EXOSC7: variants seen among roughly 807,000 people sequenced by gnomAD.
EXOSC7 encodes the protein exosome complex component RRP42.
EXOSC7 carries 25 observed loss-of-function variants against 34.3 expected under a neutral mutation model. The observed-to-expected ratio is 0.73, with a 90% CI of 0.53 to 1.02. EXOSC7 has a LOEUF of 1.02. Ranked by LOEUF, EXOSC7 falls within the 50% of genes least tolerant of loss-of-function variation. The pLI, the probability that EXOSC7 is intolerant of heterozygous loss-of-function variation, is 0.00. For missense variants in EXOSC7, 370 were observed against 368.5 expected (o/e 1.00, Z -0.03); for synonymous variants, 130 against 143.0 (o/e 0.91, Z 0.65).
chr3:44,984,768 G>C (rs1036337893), intron 1 of EXOSC7, among the ~76,000 whole-genome samples: 1 of 152,216 alleles, frequency 6.6e-6, no homozygotes, highest in African/African-American at 2.4e-5. Context: ...ATTAACTGCA[G>C]TATTCCTTGC....
chr3:44,993,642 A>C (rs879662570), intron 3 of EXOSC7, among the ~76,000 whole-genome samples: 3 of 152,146 alleles, frequency 2.0e-5, no homozygotes, highest in Non-Finnish European at 2.9e-5. Flanking sequence ...CTCAGTAAAC[A>C]ATTTCCCACA....
At chr3:44,993,092 G>A (rs1372594286) in intron 3 of EXOSC7, among the ~76,000 whole-genome samples, 1 of 152,174 alleles carries the variant, frequency 6.6e-6, no homozygotes, top group Admixed American at 6.5e-5. Flanking sequence ...CTGAGGGGCT[G>A]GGGGTGGGTA....
intron 1 of EXOSC7, among the ~76,000 whole-genome samples, chr3:44,981,037 T>G (rs1367049878): frequency 1.2e-4 from 19 of 152,214 alleles, no homozygotes; most frequent in Admixed American, 1.2e-3. Context: ...GCCCAGGGAT[T>G]CTGAAGCCTT....
intron 1 of EXOSC7, among the ~76,000 whole-genome samples, chr3:44,986,864 A>G (rs1297662472): frequency 6.6e-6 from 1 of 152,222 alleles, no homozygotes; most frequent in Non-Finnish European, 1.5e-5. Context: ...AGTCAGTCAC[A>G]TATGCAGTTA....
chr3:45,011,271 T>C lies in EXOSC7; in HGVS notation c.808T>C (p.Leu270=). ...KRVGKVLHAS[L]QSVVHKEESL... ...TGTGGGCAAGGTACTGCATGCCTCC[T>C]TGCAGAGTGTTGTGCACAAGGAAGA... The change falls in exon 8 of 8, where the codon TTG becomes CTG. Residue 270 remains leucine (L), a synonymous_variant. Coordinates refer to ENST00000265564, the MANE Select transcript of EXOSC7 (RefSeq NM_015004.4). 1 of 1,613,586 alleles carries C rather than the reference T, an allele frequency of 6.2e-7. No individual in the cohort carries two copies. Among genetic ancestry groups the C allele is most frequent in the Non-Finnish European group, 8.5e-7 (1 of 1,179,802 alleles).
At chr3:45,005,152 A>G (rs1706997101) in intron 5 of EXOSC7, 139 bp from the exon 6 acceptor site, 4 of 948,320 alleles carry the variant, frequency 4.2e-6, no homozygotes, top group African/African-American at 3.3e-5. Flanking sequence ...CAGGGATGAC[A>G]GGGATGAGGA....
At chr3:44,989,517 CTGAG>C (rs767331282) in intron 2 of EXOSC7, 29 bp from the exon 3 acceptor site, 73 of 1,549,898 alleles carry the variant, frequency 4.7e-5, no homozygotes, top group Non-Finnish European at 1.2e-5. Context: ...GCTGCATACT[CTGAG>C]TGAGGACTCT....
intron 1 of EXOSC7, among the ~76,000 whole-genome samples, chr3:44,979,760 T>TAAA (rs1259247867): frequency 3.9e-5 from 6 of 152,150 alleles, no homozygotes; most frequent in Admixed American, 3.3e-4. Flanking sequence ...CTCTAGTTCT[T>TAAA]TTAGGGGGTT....
At chr3:45,007,606 G>A (rs986844041) in intron 7 of EXOSC7, 31 bp downstream of exon 7, 2 of 1,559,384 alleles carry the variant, frequency 1.3e-6, no homozygotes, top group Non-Finnish European at 8.7e-7. Context: ...AAGGTGCAGG[G>A]ACCTGGCCGG....
At chr3:44,988,024 G>A (rs1029380476) in intron 1 of EXOSC7, among the ~76,000 whole-genome samples, 1 of 152,126 alleles carries the variant, frequency 6.6e-6, no homozygotes. Flanking sequence ...TTCTAGCTCT[G>A]TCTGCTGAGA....
chr3:44,976,401 C>A, intron 1 of EXOSC7, 67 bp downstream of exon 1: 1 of 1,419,124 alleles, frequency 7.0e-7, no homozygotes, highest in Non-Finnish European at 9.4e-7. Flanking sequence ...GCGGCCTGCC[C>A]TGGGTTTGCC....
chr3:44,997,624 A>T (rs373073765), intron 4 of EXOSC7, among the ~76,000 whole-genome samples: 1 of 152,214 alleles, frequency 6.6e-6, no homozygotes, highest in Non-Finnish European at 1.5e-5. Flanking sequence ...AGCTCTTTAC[A>T]TGCATTTTCA....
chr3:44,994,234 A>G (rs1244205613), intron 3 of EXOSC7, among the ~76,000 whole-genome samples: 1 of 146,416 alleles, frequency 6.8e-6, no homozygotes, highest in Non-Finnish European at 1.5e-5. Flanking sequence ...TGTCTAGCTC[A>G]TGCTAAACAT....
chr3:44,994,708 C>G (rs554409224), intron 3 of EXOSC7, among the ~76,000 whole-genome samples: 1 of 152,132 alleles, frequency 6.6e-6, no homozygotes, highest in Non-Finnish European at 1.5e-5. Flanking sequence ...CCCCATCCCC[C>G]ACCCTGAACA....
At chr3:44,990,795 A>G (rs1011847374) in intron 3 of EXOSC7, among the ~76,000 whole-genome samples, 3 of 152,206 alleles carry the variant, frequency 2.0e-5, no homozygotes, top group Non-Finnish European at 4.4e-5. Context: ...TATTTGCACA[A>G]TATAGGCACA....
chr3:44,987,912 A>G (rs916942766), intron 1 of EXOSC7, among the ~76,000 whole-genome samples: 1 of 152,276 alleles, frequency 6.6e-6, no homozygotes, highest in Non-Finnish European at 1.5e-5. Flanking sequence ...GAATTGATCT[A>G]TCAGTATGAA....
At chr3:45,001,793 T>C in intron 5 of EXOSC7, 185 bp downstream of exon 5, 1 of 563,546 alleles carries the variant, frequency 1.8e-6, no homozygotes, top group South Asian at 2.4e-5. Context: ...AAACTACATA[T>C]ATACGTATAT....
At position 45,007,475 on chromosome 3, in the gene EXOSC7, C is replaced by T; in HGVS notation, c.671C>T (p.Ala224Val). 6.2e-7 allele frequency: 1 copy of T among 1,614,168 alleles called. No individual in the cohort carries two copies. Among genetic ancestry groups the T allele is most frequent in the Non-Finnish European group, 8.5e-7 (1 of 1,180,006 alleles). ...CTTCAGGAGGAGGCCTGCTCGCTGGCCAGCTTGCTGGTGTCGGTGACCAGC... is the reference window on the plus strand; with the variant it reads ...CTTCAGGAGGAGGCCTGCTCGCTGGTCAGCTTGCTGGTGTCGGTGACCAGC... ...ATLQEEACSLASLLVSVTSKG... is the reference protein window; with the variant it reads ...ATLQEEACSLVSLLVSVTSKG... The change falls in exon 7 of 8, where the codon GCC becomes GTC. Residue 224 changes from alanine to valine, a missense_variant. This residue lies in a region of EXOSC7 where 255 missense variants were observed against 246.4 expected (regional missense o/e 1.03). Coordinates refer to ENST00000265564, the MANE Select transcript of EXOSC7 (RefSeq NM_015004.4).
In EXOSC7 at chr3:44,978,693, G is replaced by T. The variant is rs182285266; in HGVS notation, c.57+2359G>T. Among the ~76,000 whole-genome samples, 23 of 152,318 alleles carry T rather than the reference G, an allele frequency of 1.5e-4. No homozygotes were observed. The East Asian group carries it at 4.0e-3, about 27-fold the overall frequency. On this transcript the variant is annotated intron_variant, in intron 1 of 7. Transcript: ENST00000265564. ...AGGCACCAGTGTTCCAGAAGGAAGG[G>T]GTGGTGAGTCTGTAAATCCTCAGGT... is the stretch of plus-strand genomic sequence containing the variant.
Sources: gnomAD v4.1 joint callset for allele counts (sites outside exome capture counted in the v4.1 genomes callset) on GRCh38, gnomAD v4.1.1 for gene constraint, gnomAD v4.1.1 regional missense constraint, MANE v1.5 for transcripts, NCBI Gene and HGNC (gene_info 2026-07-23, HGNC 2026-07-21) for gene names.